The following WDR44 variants were observed in gnomAD, a reference collection of about 807,000 sequenced individuals.
WDR44 encodes WD repeat-containing protein 44.
In WDR44, 9 loss-of-function variants were observed where a neutral mutation model predicts 65.7. The ratio of observed to expected loss-of-function variants is 0.14; its 90% CI spans 0.08 to 0.24. WDR44 has a LOEUF of 0.24. WDR44 is among the 10% of genes least tolerant of loss of function. The pLI is 1.00. For missense variants in WDR44, 425 were observed against 670.9 expected (o/e 0.63, Z 4.05); for synonymous variants, 220 against 235.2 (o/e 0.94, Z 0.59).
intron 8 of WDR44, among the ~76,000 whole-genome samples, chrX:118,400,481 G>A (rs2056902188): frequency 9.0e-6 from 1 of 111,708 alleles, no homozygotes; most frequent in South Asian, 3.8e-4. Flanking sequence ...CTGTTTTCTT[G>A]GCTTTTAAAG....
chrX:118,360,017 C>T (rs1448492504), intron 1 of WDR44, among the ~76,000 whole-genome samples: 1 of 111,991 alleles, frequency 8.9e-6, no homozygotes, highest in Non-Finnish European at 1.9e-5. Context: ...TTGCCTAGCA[C>T]TTATTTTTTT....
chrX:118,408,643 C>T (rs968236073), intron 10 of WDR44, among the ~76,000 whole-genome samples: 2 of 111,364 alleles, frequency 1.8e-5, no homozygotes, highest in African/African-American at 6.6e-5. Context: ...AAGTGATCCA[C>T]CCGCCTGGAC....
At chrX:118,365,169 G>A (rs757302976) in intron 1 of WDR44, among the ~76,000 whole-genome samples, 16 of 112,041 alleles carry the variant, frequency 1.4e-4, no homozygotes, top group African/African-American at 5.2e-4. Context: ...TGATAATTCA[G>A]CCTAAAAACA....
intron 3 of WDR44, among the ~76,000 whole-genome samples, chrX:118,391,914 G>A (rs968885505): frequency 8.9e-6 from 1 of 111,800 alleles, no homozygotes; most frequent in Non-Finnish European, 1.9e-5. Context: ...GGGAGGCAGA[G>A]GTTGCAGTGA....
chrX:118,421,926 G>A (rs889061471), intron 12 of WDR44, among the ~76,000 whole-genome samples: 1 of 111,606 alleles, frequency 9.0e-6, no homozygotes, highest in African/African-American at 3.3e-5. Flanking sequence ...GCATCAGATT[G>A]CAAATATGAA....
chrX:118,441,646 C>A, intron 15 of WDR44, 87 bp downstream of exon 15: 1 of 772,809 alleles, frequency 1.3e-6, no homozygotes, highest in Non-Finnish European at 1.8e-6. Context: ...CCCCTCTGGG[C>A]TTTAACTGCA....
At chrX:118,368,483 T>TATATATATATC (rs1569359132) in intron 1 of WDR44, among the ~76,000 whole-genome samples, 1 of 87,666 alleles carries the variant, frequency 1.1e-5, no homozygotes, top group African/African-American at 5.0e-5. Context: ...ATATATATAC[T>TATATATATATC]TCTTGAGGAC....
intron 1 of WDR44, among the ~76,000 whole-genome samples, chrX:118,346,826 G>GA (rs1008999651): frequency 7.2e-5 from 8 of 111,354 alleles, no homozygotes; most frequent in Non-Finnish European, 1.3e-4. Context: ...GTCGGTCTCG[G>GA]AGCCCGTTTC....
At chrX:118,378,539 T>A in intron 2 of WDR44, 87 bp downstream of exon 2, 1 of 987,129 alleles carries the variant, frequency 1.0e-6, no homozygotes, top group Admixed American at 2.4e-5. Flanking sequence ...TTCTTGCTTT[T>A]GCTTTTTTTT....
intron 1 of WDR44, among the ~76,000 whole-genome samples, chrX:118,357,137 A>G (rs1260515558): frequency 1.8e-5 from 2 of 111,147 alleles, no homozygotes; most frequent in Non-Finnish European, 3.8e-5. Context: ...GGCCTGATAT[A>G]TATTTCATTA....
intron 11 of WDR44, 130 bp from the exon 12 acceptor site, chrX:118,410,765 T>G (rs992764728): frequency 2.8e-5 from 15 of 534,183 alleles, no homozygotes; most frequent in Non-Finnish European, 4.5e-5. Context: ...CCTCAATTGT[T>G]AGTATTTTTC....
In WDR44 at chrX:118,404,728, T is replaced by C. The variant is rs746618911; in HGVS notation, c.1381+284T>C. ...GTTTGTTTGTTTATTTGAGATGGAG[T>C]CTTACTCTGTTGCCCAGGCTGGAGT... On this transcript the variant is annotated intron_variant, in intron 9 of 19. Transcript: ENST00000254029. Among the ~76,000 whole-genome samples the C allele has an allele frequency of 3.1e-3, 346 of 111,840 alleles. 1 individual carries two copies. The highest frequency in any genetic ancestry group is 0.011 in the African/African-American group (327 of 30,737).
At chrX:118,443,278 A>G (rs894008011) in intron 17 of WDR44, among the ~76,000 whole-genome samples, 1 of 111,626 alleles carries the variant, frequency 9.0e-6, no homozygotes, top group Non-Finnish European at 1.9e-5. Context: ...CAATTGGTAA[A>G]GTATTCTGCT....
chrX:118,384,591 A>G (rs887204304), intron 2 of WDR44, among the ~76,000 whole-genome samples: 4 of 111,912 alleles, frequency 3.6e-5, no homozygotes, highest in Non-Finnish European at 7.5e-5. Context: ...ACTGTAGCAT[A>G]GTTTGAAGTC....
At chrX:118,421,357 T>C (rs1284277005) in intron 12 of WDR44, among the ~76,000 whole-genome samples, 2 of 112,181 alleles carry the variant, frequency 1.8e-5, no homozygotes, top group African/African-American at 3.2e-5. Context: ...AAAGCCTTTT[T>C]ACATGAGAAA....
rs1347515074 is a variant in WDR44, at chrX:118,378,723, T to TGTGTGTGTGTGG, written c.111+282_111+283insGGTGTGTGTGTG. ...GAATAAAAGAACGTGTGTGTGTGTG[T>TGTGTGTGTGTGG]GTGTGTGTGTGTTGAAAAAGTGATA... is the stretch of plus-strand genomic sequence containing the variant. On this transcript the variant is annotated intron_variant, in intron 2 of 19. Transcript: ENST00000254029. Among the ~76,000 whole-genome samples, 3 of 108,070 alleles carry TGTGTGTGTGTGG rather than the reference T, an allele frequency of 2.8e-5. No homozygotes were observed. The East Asian group carries it at 8.8e-4, about 32-fold the overall frequency. The allele number at this position is 108,070 out of a possible 115,157, so 93.8% of individuals were successfully genotyped here. A position where few individuals can be genotyped will look rare whatever the true frequency, so the allele number is the denominator to read the frequency against.
intron 1 of WDR44, among the ~76,000 whole-genome samples, chrX:118,353,955 T>A: frequency 8.9e-6 from 1 of 112,576 alleles, no homozygotes; most frequent in East Asian, 2.7e-4. Flanking sequence ...TAGGAAGTGT[T>A]ATCTTTTGTA....
intron 19 of WDR44, among the ~76,000 whole-genome samples, chrX:118,446,387 C>T (rs1334228331): frequency 9.0e-6 from 1 of 111,118 alleles, no homozygotes; most frequent in Non-Finnish European, 1.9e-5. Context: ...AGAAGACCAG[C>T]CCGGGCAACA....
At chrX:118,424,323 G>GTGTGTATATATATATATATATACATA (rs1289349202) in intron 12 of WDR44, among the ~76,000 whole-genome samples, 1 of 65,566 alleles carries the variant, frequency 1.5e-5, no homozygotes, top group African/African-American at 9.9e-5. Context: ...GTGTGTGTGT[G>GTGTGTATATATATATATATATACATA]TATATATATA....
Sources: gnomAD v4.1 joint callset for allele counts (sites outside exome capture counted in the v4.1 genomes callset) on GRCh38, gnomAD v4.1.1 for gene constraint, MANE v1.5 for transcripts, NCBI Gene and HGNC (gene_info 2026-07-23, HGNC 2026-07-21) for gene names.